The following MALRD1 variants were observed in gnomAD, a reference collection of about 807,000 sequenced individuals.
MALRD1 encodes the protein MAM and LDL-receptor class A domain-containing protein 1.
A neutral mutation model predicts 242.1 loss-of-function variants in MALRD1; 247 were observed. That is an observed-to-expected ratio of 1.02 (90% CI 0.92 to 1.13). The LOEUF is 1.13. Among genes scored for constraint, MALRD1 ranks in the 50% most tolerant of loss-of-function variants. The probability of loss-of-function intolerance (pLI) is 0.00; values close to 1 mark genes in which losing one functional copy is unlikely to be tolerated. For missense variants in MALRD1, 2,989 were observed against 2,533.1 expected, an observed-to-expected ratio of 1.18 and a Z score of -3.86; for synonymous variants, 995 against 866.6, an observed-to-expected ratio of 1.15 and a Z score of -2.60.
chr10:19,733,709 T>TTATA (rs749103036), intron 39 of MALRD1, among the ~76,000 whole-genome samples: 2 of 147,420 alleles, frequency 1.4e-5, no homozygotes, highest in African/African-American at 2.5e-5. Flanking sequence ...ACGTTTTATA[T>TTATA]TATATATATA....
intron 29 of MALRD1, among the ~76,000 whole-genome samples, chr10:19,452,724 G>A (rs1835396843): frequency 6.6e-6 from 1 of 152,212 alleles, no homozygotes; most frequent in Non-Finnish European, 1.5e-5. Context: ...TGGATGATCA[G>A]AAGGAGCTTA....
intron 36 of MALRD1, among the ~76,000 whole-genome samples, chr10:19,675,977 C>T (rs1234799024): frequency 6.6e-6 from 1 of 152,058 alleles, no homozygotes; most frequent in Non-Finnish European, 1.5e-5. Flanking sequence ...TGGTCTGTAT[C>T]CTTAAAAGTA....
Position 19,175,342 on chromosome 10 carries a change from T to C in MALRD1, c.1951+14T>C. The C allele has an allele frequency of 8.1e-7, 1 of 1,228,176 alleles. No individual in the cohort carries two copies. Among genetic ancestry groups the C allele is most frequent in the South Asian group, 4.1e-5 (1 of 24,282 alleles). The allele number at this position is 1,228,176 out of a possible 1,614,324, so 76.1% of individuals were successfully genotyped here. ...CACAAAGCAAGTGTAAGTTTTTCCTTGTCGTTGTTGCTGTTTTAAACATTG... is the reference window on the plus strand; with the variant it reads ...CACAAAGCAAGTGTAAGTTTTTCCTCGTCGTTGTTGCTGTTTTAAACATTG... On this transcript the variant is annotated intron_variant, in intron 14 of 39. Transcript: ENST00000454679.
At chr10:19,340,255 A>G (rs1360891437) in intron 24 of MALRD1, among the ~76,000 whole-genome samples, 1 of 152,154 alleles carries the variant, frequency 6.6e-6, no homozygotes, top group Non-Finnish European at 1.5e-5. Flanking sequence ...TCAAACATTT[A>G]TCCCATGTGT....
intron 29 of MALRD1, among the ~76,000 whole-genome samples, chr10:19,484,863 A>G (rs1222719758): frequency 1.3e-5 from 2 of 152,164 alleles, no homozygotes; most frequent in East Asian, 3.8e-4. Flanking sequence ...TACAAAAGGT[A>G]CCTCCATGTG....
intron 35 of MALRD1, among the ~76,000 whole-genome samples, chr10:19,610,837 T>C (rs1020140086): frequency 2.0e-5 from 3 of 151,982 alleles, no homozygotes; most frequent in Admixed American, 6.6e-5. Context: ...ATGAGGATAA[T>C]TATGGTATAT....
intron 21 of MALRD1, among the ~76,000 whole-genome samples, chr10:19,316,985 G>A (rs888925609): frequency 1.3e-5 from 2 of 151,274 alleles, no homozygotes. Flanking sequence ...TGATGTAATT[G>A]TTACGCATGC....
At chr10:19,599,789 C>A (rs1838268166) in intron 34 of MALRD1, among the ~76,000 whole-genome samples, 1 of 152,042 alleles carries the variant, frequency 6.6e-6, no homozygotes, top group African/African-American at 2.4e-5. Flanking sequence ...GAAGGGAGTA[C>A]TTGGTAAGAG....
At chr10:19,581,448 C>T (rs1307602530) in intron 33 of MALRD1, among the ~76,000 whole-genome samples, 1 of 150,224 alleles carries the variant, frequency 6.7e-6, no homozygotes, top group African/African-American at 2.5e-5. Context: ...CAATTCCCAC[C>T]TATGAATGAG....
chr10:19,195,775 A>T (rs564402069), intron 14 of MALRD1, among the ~76,000 whole-genome samples: 29 of 152,088 alleles, frequency 1.9e-4, no homozygotes, highest in African/African-American at 5.5e-4. Context: ...AACAAGCAAA[A>T]ACCCAGTGAC....
At chr10:19,144,723 G>T (rs1374233530) in intron 10 of MALRD1, among the ~76,000 whole-genome samples, 1 of 152,144 alleles carries the variant, frequency 6.6e-6, no homozygotes, top group African/African-American at 2.4e-5. Context: ...TGTCAGACAG[G>T]TTCAAAGTCT....
intron 29 of MALRD1, among the ~76,000 whole-genome samples, chr10:19,468,867 T>C (rs1030518573): frequency 2.0e-5 from 3 of 152,082 alleles, no homozygotes; most frequent in Admixed American, 6.6e-5. Context: ...ACAAATGTAT[T>C]TCTATGAAAA....
chr10:19,200,086 TC>T (rs1162080839), intron 14 of MALRD1, among the ~76,000 whole-genome samples: 14 of 152,058 alleles, frequency 9.2e-5, no homozygotes, highest in African/African-American at 3.4e-4. Context: ...TGAGGTCATG[TC>T]ACTGCACTCC....
At chr10:19,147,350 A>C (rs1010694835) in intron 11 of MALRD1, among the ~76,000 whole-genome samples, 2 of 152,190 alleles carry the variant, frequency 1.3e-5, no homozygotes, top group African/African-American at 4.8e-5. Context: ...TGGGGTGGGA[A>C]AATTCAACCA....
chr10:19,301,764 A>G (rs1462539414), intron 21 of MALRD1, among the ~76,000 whole-genome samples: 3 of 151,718 alleles, frequency 2.0e-5, no homozygotes, highest in African/African-American at 7.3e-5. Context: ...GTTGGGTACT[A>G]TGCTCATTAT....
rs914293827 is a variant in MALRD1, at chr10:19,257,733, T to C, written c.3041T>C (p.Ile1014Thr). ...VGDGFTGDIA[I>T]DDLSFMDCTL... ...GATGGCTTCACTGGAGATATTGCGA[T>C]TGATGATCTGTCATTTATGGACTGC... The change falls in exon 19 of 40, where the codon ATT becomes ACT. Residue 1014 changes from isoleucine to threonine, a missense_variant. By Grantham distance (89) the Ile-to-Thr change is moderately conservative. Transcript: ENST00000454679. 7 of 1,542,438 alleles carry C rather than the reference T, an allele frequency of 4.5e-6. 1 individual carries two copies. The Admixed American group carries it at 7.9e-5, about 17-fold the overall frequency.
At chr10:19,298,711 T>C (rs1841819000) in intron 21 of MALRD1, among the ~76,000 whole-genome samples, 1 of 151,968 alleles carries the variant, frequency 6.6e-6, no homozygotes, top group Non-Finnish European at 1.5e-5. Flanking sequence ...CACCTTAAGA[T>C]GCTCAGCAGC....
At chr10:19,158,257 G>A (rs1834251180) in intron 12 of MALRD1, among the ~76,000 whole-genome samples, 1 of 152,224 alleles carries the variant, frequency 6.6e-6, no homozygotes, top group African/African-American at 2.4e-5. Flanking sequence ...ATTAAATACA[G>A]GAAGATGGAT....
intron 2 of MALRD1, among the ~76,000 whole-genome samples, chr10:19,080,046 G>A (rs1365727229): frequency 3.9e-5 from 6 of 151,902 alleles, no homozygotes; most frequent in African/African-American, 7.3e-5. Context: ...AAACACTGAA[G>A]AATATAGTTA....
Sources: allele counts gnomAD v4.1 joint callset (sites outside exome capture counted in the v4.1 genomes callset), GRCh38; gene constraint gnomAD v4.1.1; transcripts MANE v1.5; gene names NCBI Gene and HGNC (gene_info 2026-07-23, HGNC 2026-07-21).